Variants in SHLD2 observed in about 807,000 individuals in gnomAD.
SHLD2 encodes shieldin complex subunit 2.
A neutral mutation model predicts 73.2 loss-of-function variants in SHLD2; 30 were observed. The observed-to-expected ratio is 0.41, with a 90% confidence interval of 0.31 to 0.56. The LOEUF is 0.56. SHLD2 is among the 20% of genes least tolerant of loss of function. The pLI, the probability that SHLD2 is intolerant of heterozygous loss-of-function variation, is 0.28. For synonymous variants in SHLD2, 285 were observed against 370.1 expected, an observed-to-expected ratio of 0.77 and a Z score of 2.64; for missense variants, 745 against 1,055.9, an observed-to-expected ratio of 0.71 and a Z score of 4.08.
At chr10:87,121,094 CAT>C (rs1843588529) in intron 2 of SHLD2, among the ~76,000 whole-genome samples, 1 of 152,090 alleles carries the variant, frequency 6.6e-6, no homozygotes, top group African/African-American at 2.4e-5. Context: ...TTATGTATGA[CAT>C]ACCTTGGTTT....
At chr10:87,115,553 G>A (rs1843198825) in intron 2 of SHLD2, 1 of 152,004 alleles carries the variant, frequency 6.6e-6, no homozygotes, top group South Asian at 2.1e-4. Context: ...TGGTGACGTT[G>A]TAAGAGGAGT....
chr10:87,124,380 A>G (rs1035037440), intron 2 of SHLD2, among the ~76,000 whole-genome samples: 10 of 151,652 alleles, frequency 6.6e-5, no homozygotes, highest in African/African-American at 1.9e-4. Context: ...TACAAAAAAT[A>G]CAAAAATCAG....
At chr10:87,147,056 CAAAAAAAAAA>C (rs1237507855) in intron 2 of SHLD2, among the ~76,000 whole-genome samples, 2 of 43,786 alleles carry the variant, frequency 4.6e-5, no homozygotes, top group Non-Finnish European at 9.4e-5. Flanking sequence ...GACTCTGTCT[CAAAAAAAAAA>C]AAAAAGAAAA....
chr10:87,094,854 GCGCGGGTTGCCCTTTTAAGC>G, upstream of SHLD2: 1 of 1,107,874 alleles, frequency 9.0e-7, no homozygotes, highest in Non-Finnish European at 1.3e-6. This position sits in a 1 kb window ranked among gnomAD's most constrained non-coding sequence, Gnocchi z 6.6. Context: ...GAAGGGTCCC[GCGCGGGTTGCCCTTTTAAGC>G]CGCAGCTTCC....
intron 2 of SHLD2, among the ~76,000 whole-genome samples, chr10:87,098,537 G>A (rs1236704065): frequency 5.3e-5 from 8 of 151,130 alleles, no homozygotes. Context: ...AAAACAGGGA[G>A]TGAGGCCCAC....
chr10:87,125,204 A>G (rs1213434915), intron 2 of SHLD2, among the ~76,000 whole-genome samples: 1 of 152,200 alleles, frequency 6.6e-6, no homozygotes, highest in Non-Finnish European at 1.5e-5. Context: ...TTATGTTTGG[A>G]TGATTATGAA....
At chr10:87,117,926 A>C (rs1353628585) in intron 2 of SHLD2, among the ~76,000 whole-genome samples, 4 of 152,242 alleles carry the variant, frequency 2.6e-5, no homozygotes, top group African/African-American at 9.6e-5. Context: ...AGTGGGTTCC[A>C]TCATCCAATA....
intron 2 of SHLD2, among the ~76,000 whole-genome samples, chr10:87,127,657 TGTGACA>T (rs1564587333): frequency 6.6e-6 from 1 of 150,932 alleles, no homozygotes; most frequent in Non-Finnish European, 1.5e-5. Flanking sequence ...TCAAGATCAT[TGTGACA>T]GTGAAATTAT....
chr10:87,144,493 C>A (rs2134253699), intron 2 of SHLD2, among the ~76,000 whole-genome samples: 1 of 152,156 alleles, frequency 6.6e-6, no homozygotes, highest in East Asian at 1.9e-4. Flanking sequence ...TGAGCAATAG[C>A]TTTAAACTTC....
intron 4 of SHLD2, among the ~76,000 whole-genome samples, chr10:87,163,969 T>C (rs563011304): frequency 5.3e-5 from 8 of 151,142 alleles, no homozygotes; most frequent in Non-Finnish European, 1.0e-4. Flanking sequence ...TTCTTTTTTT[T>C]TTTTTTGAGA....
At chr10:87,104,418 G>A (rs1842465550) in intron 2 of SHLD2, among the ~76,000 whole-genome samples, 1 of 151,432 alleles carries the variant, frequency 6.6e-6, no homozygotes, top group African/African-American at 2.4e-5. Context: ...ATAATGGCGA[G>A]TGCCTGTAAT....
chr10:87,121,041 A>G (rs919650791), intron 2 of SHLD2, among the ~76,000 whole-genome samples: 2 of 151,898 alleles, frequency 1.3e-5, no homozygotes, highest in African/African-American at 4.8e-5. Flanking sequence ...CAAGAGCGAA[A>G]CTCTGTCTCA....
At chr10:87,159,617 T>C (rs556622366) in intron 4 of SHLD2, among the ~76,000 whole-genome samples, 1 of 152,318 alleles carries the variant, frequency 6.6e-6, no homozygotes, top group East Asian at 1.9e-4. Context: ...TAGGAAGTTG[T>C]TACAATAGCT....
At chr10:87,183,281 G>A (rs71242448) in intron 8 of SHLD2, among the ~76,000 whole-genome samples, 1 of 152,342 alleles carries the variant, frequency 6.6e-6, no homozygotes. Context: ...TGGGAGAAAT[G>A]TTGATCATAT....
At chr10:87,098,780 T>A (rs976699188) in intron 2 of SHLD2, among the ~76,000 whole-genome samples, 1 of 152,154 alleles carries the variant, frequency 6.6e-6, no homozygotes, top group Non-Finnish European at 1.5e-5. Flanking sequence ...GGTTTTTTTT[T>A]ATTTTTATTT....
intron 2 of SHLD2, among the ~76,000 whole-genome samples, chr10:87,105,877 T>C (rs1842562724): frequency 6.6e-6 from 1 of 152,200 alleles, no homozygotes; most frequent in African/African-American, 2.4e-5. Flanking sequence ...TAGGATTGGG[T>C]TGGTTACATG....
At chr10:87,118,847 C>A (rs1843412478) in intron 2 of SHLD2, among the ~76,000 whole-genome samples, 1 of 152,054 alleles carries the variant, frequency 6.6e-6, no homozygotes, top group Non-Finnish European at 1.5e-5. Context: ...TATAATAATT[C>A]ATATCCAAGC....
At chr10:87,182,242 A>G (rs1848359747) in intron 8 of SHLD2, among the ~76,000 whole-genome samples, 1 of 152,240 alleles carries the variant, frequency 6.6e-6, no homozygotes, top group Non-Finnish European at 1.5e-5. Flanking sequence ...TCTAAGACTC[A>G]GTCAAATATT....
intron 2 of SHLD2, among the ~76,000 whole-genome samples, chr10:87,103,026 A>G (rs1019218046): frequency 2.0e-5 from 3 of 151,996 alleles, no homozygotes; most frequent in African/African-American, 2.4e-5. Flanking sequence ...TCTGGCCAAC[A>G]TAGTGAAACC....
Sources: gnomAD v4.1 joint callset for allele counts (sites outside exome capture counted in the v4.1 genomes callset) on GRCh38, gnomAD v4.1.1 for gene constraint, Gnocchi (gnomAD v3.1) non-coding constraint, MANE v1.5 for transcripts, NCBI Gene and HGNC (gene_info 2026-07-23, HGNC 2026-07-21) for gene names.